The following CRIM1 variants were observed in gnomAD, a reference collection of about 807,000 sequenced individuals.
The protein encoded by CRIM1 is cysteine-rich motor neuron 1 protein.
A neutral mutation model predicts 116.4 loss-of-function variants in CRIM1; 32 were observed. That is an observed-to-expected ratio of 0.27 (90% CI 0.21 to 0.37). The LOEUF (loss-of-function observed/expected upper bound fraction) is 0.37, where lower values mean the gene tolerates loss of function less well. Among genes scored for constraint, CRIM1 ranks in the 10% least tolerant of loss-of-function variants. The pLI, the probability that CRIM1 is intolerant of heterozygous loss-of-function variation, is 1.00. For missense variants in CRIM1, 1,331 were observed against 1,354.8 expected, an observed-to-expected ratio of 0.98 and a Z score of 0.28; for synonymous variants, 590 against 509.2, an observed-to-expected ratio of 1.16 and a Z score of -2.13.
At chr2:36,481,468 G>A (rs960077427) in intron 7 of CRIM1, among the ~76,000 whole-genome samples, 5 of 152,164 alleles carry the variant, frequency 3.3e-5, no homozygotes, top group African/African-American at 1.2e-4. Context: ...AAAAAATTAA[G>A]AACCTCCTGG....
rs543713750 is a variant in CRIM1 at position 36,550,815 on chromosome 2, A to G, written c.*2114A>G. ...GCATAAAAAGTCTTTATCAAAAAAA[A>G]TTGTAGATGCTTGCTTTTTGTTTTT... is the stretch of plus-strand genomic sequence containing the variant. On this transcript the variant is annotated 3_prime_UTR_variant, in exon 17 of 17. Coordinates refer to ENST00000280527, the MANE Select transcript of CRIM1 (RefSeq NM_016441.3). 1.3e-5 allele frequency: 2 copies of G among 152,616 alleles called. No homozygotes were observed. The highest frequency in any genetic ancestry group is 4.1e-4 in the South Asian group (2 of 4,826). The allele number at this position is 152,616 out of a possible 1,614,324, so 9.5% of individuals were successfully genotyped here. A position where few individuals can be genotyped will look rare whatever the true frequency, so the allele number is the denominator to read the frequency against.
chr2:36,491,655 G>A (rs1240319476), intron 7 of CRIM1, among the ~76,000 whole-genome samples: 2 of 152,162 alleles, frequency 1.3e-5, no homozygotes, highest in Admixed American at 1.3e-4. Context: ...AGGTGCTGAG[G>A]TTATAAACAA....
At chr2:36,425,905 C>T (rs2124879119) in intron 2 of CRIM1, among the ~76,000 whole-genome samples, 1 of 152,328 alleles carries the variant, frequency 6.6e-6, no homozygotes, top group East Asian at 1.9e-4. Flanking sequence ...GGATCCATGT[C>T]ATGTAGTGGT....
At chr2:36,425,109 C>T (rs1260987537) in intron 2 of CRIM1, among the ~76,000 whole-genome samples, 1 of 152,190 alleles carries the variant, frequency 6.6e-6, no homozygotes, top group African/African-American at 2.4e-5. Flanking sequence ...TAATGTTCCT[C>T]TTGTTCTTCC....
intron 2 of CRIM1, among the ~76,000 whole-genome samples, chr2:36,431,520 G>A (rs1048591558): frequency 7.2e-5 from 11 of 152,090 alleles, no homozygotes; most frequent in African/African-American, 2.4e-4. Context: ...TCTGGGACTC[G>A]GGAATTTTTT....
Position 36,548,703 on chromosome 2 carries a change from G to T in CRIM1, c.*2G>T, listed in dbSNP as rs778337585. The T allele has an allele frequency of 1.3e-6, 2 of 1,576,380 alleles. No homozygotes were observed. Among genetic ancestry groups the T allele is most frequent in the Non-Finnish European group, 1.7e-6 (2 of 1,167,172 alleles). ...GACAATTTCTACCAAACAGTGTGAA[G>T]AAAGGCAACTAGGATGAGGTTTCAA... On this transcript the variant is annotated 3_prime_UTR_variant, in exon 17 of 17. Transcript: ENST00000280527.
intron 13 of CRIM1, among the ~76,000 whole-genome samples, chr2:36,534,731 TGGAAGGAA>T (rs923751204): frequency 2.3e-5 from 3 of 131,268 alleles, no homozygotes; most frequent in Non-Finnish European, 4.9e-5. Context: ...AAAAGGAAGA[TGGAAGGAA>T]GGAAGGAAAG....
At chr2:36,462,466 T>G (rs1210539498) in intron 4 of CRIM1, among the ~76,000 whole-genome samples, 2 of 152,252 alleles carry the variant, frequency 1.3e-5, no homozygotes, top group Non-Finnish European at 2.9e-5. Flanking sequence ...GTGTGACTCC[T>G]AACAGCATAG....
intron 11 of CRIM1, among the ~76,000 whole-genome samples, chr2:36,515,005 T>A (rs190985499): frequency 1.3e-5 from 2 of 152,328 alleles, no homozygotes; most frequent in Admixed American, 1.3e-4. Flanking sequence ...TTTTTTCCGA[T>A]ATTTTGCTAG....
intron 1 of CRIM1, among the ~76,000 whole-genome samples, chr2:36,392,826 T>C (rs1183451976): frequency 6.6e-6 from 1 of 152,046 alleles, no homozygotes; most frequent in Non-Finnish European, 1.5e-5. Context: ...TGAAAGAGTT[T>C]ACTCTCAAAA....
chr2:36,415,923 TG>T (rs957532191), intron 2 of CRIM1, among the ~76,000 whole-genome samples: 1 of 152,192 alleles, frequency 6.6e-6, no homozygotes, highest in Non-Finnish European at 1.5e-5. Context: ...AATAATGGAT[TG>T]GGGCTGGGCA....
At chr2:36,434,228 T>G (rs1469073821) in intron 2 of CRIM1, among the ~76,000 whole-genome samples, 1 of 152,226 alleles carries the variant, frequency 6.6e-6, no homozygotes, top group Non-Finnish European at 1.5e-5. Context: ...GTTCCTCCTT[T>G]TATCACATGA....
chr2:36,358,967 G>A (rs1422727248), intron 1 of CRIM1, among the ~76,000 whole-genome samples: 3 of 151,932 alleles, frequency 2.0e-5, no homozygotes, highest in Non-Finnish European at 2.9e-5. Flanking sequence ...ACCGCCCCCC[G>A]CCTGCCATTT....
At chr2:36,544,053 G>T (rs1043928522) in intron 14 of CRIM1, among the ~76,000 whole-genome samples, 13 of 152,134 alleles carry the variant, frequency 8.5e-5, no homozygotes, top group African/African-American at 2.9e-4. Flanking sequence ...TTAGCTGCTG[G>T]AAAGTAATAA....
At chr2:36,388,766 GT>G (rs1671359034) in intron 1 of CRIM1, among the ~76,000 whole-genome samples, 1 of 109,076 alleles carries the variant, frequency 9.2e-6, no homozygotes, top group Non-Finnish European at 1.9e-5. Context: ...ATCATTTCTT[GT>G]TTCATGAAAC....
intron 7 of CRIM1, among the ~76,000 whole-genome samples, chr2:36,497,961 C>G (rs952021630): frequency 6.6e-6 from 1 of 152,204 alleles, no homozygotes; most frequent in African/African-American, 2.4e-5. Flanking sequence ...AACCTCTGTT[C>G]TGTTCTATTC....
rs869081095 is a variant in CRIM1, at chr2:36,543,688, A to AT, written c.2624-674dup. Among the ~76,000 whole-genome samples, 968 of 131,152 alleles carry AT rather than the reference A, an allele frequency of 7.4e-3. 5 individuals are homozygous for AT. The highest frequency in any genetic ancestry group is 0.011 in the South Asian group (40 of 3,546). 86.0% of individuals were successfully genotyped at this position (131,152 alleles called of 152,430 possible). A position where few individuals can be genotyped will look rare whatever the true frequency, so the allele number is the denominator to read the frequency against. The stretch of plus-strand genomic sequence containing the variant: ...TTTGTAGGAGCTGAGAAAAGTTCTG[A>AT]TTTTTTTTTTTTTTAAAAAGACCTG... On this transcript the variant is annotated intron_variant, in intron 14 of 16. Transcript: ENST00000280527.
intron 8 of CRIM1, among the ~76,000 whole-genome samples, chr2:36,503,474 T>C (rs543192436): frequency 6.6e-6 from 1 of 152,326 alleles, no homozygotes; most frequent in Admixed American, 6.5e-5. Context: ...ACTGTAACTA[T>C]TTTATAGCAT....
intron 2 of CRIM1, among the ~76,000 whole-genome samples, chr2:36,419,473 A>G (rs1212138335): frequency 6.6e-6 from 1 of 152,204 alleles, no homozygotes; most frequent in Non-Finnish European, 1.5e-5. Flanking sequence ...TTGACATCCC[A>G]GAATAGGTAG....
Sources: allele counts gnomAD v4.1 joint callset (sites outside exome capture counted in the v4.1 genomes callset), GRCh38; gene constraint gnomAD v4.1.1; transcripts MANE v1.5; gene names NCBI Gene and HGNC (gene_info 2026-07-23, HGNC 2026-07-21).